The following TUSC3 variants were observed in gnomAD, a reference collection of about 807,000 sequenced individuals.
TUSC3 encodes dolichyl-diphosphooligosaccharide--protein glycosyltransferase subunit TUSC3.
In TUSC3, 45 loss-of-function variants were observed where a neutral mutation model predicts 44.8. That is an observed-to-expected ratio of 1.00 (90% CI 0.79 to 1.29). TUSC3 has a LOEUF of 1.29. Ranked by LOEUF, TUSC3 falls within the 50% of genes most tolerant of loss-of-function variation. TUSC3 has a pLI of 0.00. For synonymous variants in TUSC3, 212 were observed against 152.9 expected, an observed-to-expected ratio of 1.39 and a Z score of -2.85; for missense variants, 519 against 437.9, an observed-to-expected ratio of 1.19 and a Z score of -1.65.
chr8:15,836,306 C>T, the TUSC3 span, among the ~76,000 whole-genome samples: 11 of 149,624 alleles, frequency 7.4e-5, no homozygotes, highest in South Asian at 2.4e-3. Context: ...TGAAACTCTG[C>T]CTCTACTAAA....
chr8:15,795,941 G>A, the TUSC3 span, among the ~76,000 whole-genome samples: 12 of 152,230 alleles, frequency 7.9e-5, no homozygotes, highest in Non-Finnish European at 1.2e-4. Context: ...CAGCCACAGC[G>A]GAACCTAAAT....
the TUSC3 span, among the ~76,000 whole-genome samples, chr8:15,826,296 G>C: frequency 1.3e-5 from 2 of 152,112 alleles, no homozygotes; most frequent in African/African-American, 4.8e-5. Context: ...GATTTGGCCT[G>C]CCACACCTCA....
intron 1 of TUSC3, among the ~76,000 whole-genome samples, chr8:15,465,081 C>G (rs916032300): frequency 6.6e-6 from 1 of 152,128 alleles, no homozygotes; most frequent in African/African-American, 2.4e-5. Flanking sequence ...AACTCCTGAC[C>G]TCGTGATCCA....
chr8:15,786,941 CAAAAAAAAAAA>C, the TUSC3 span, among the ~76,000 whole-genome samples: 6 of 63,378 alleles, frequency 9.5e-5, 1 homozygote, highest in Non-Finnish European at 1.4e-4. Flanking sequence ...GAGACTCCAT[CAAAAAAAAAAA>C]AAAAAAAAAA....
chr8:15,483,725 G>A (rs553698671), intron 2 of TUSC3, among the ~76,000 whole-genome samples: 30 of 138,928 alleles, frequency 2.2e-4, no homozygotes, highest in Admixed American at 4.9e-4. Flanking sequence ...GTGCCATCTC[G>A]GCTCACTGCA....
chr8:15,747,871 A>G (rs779440914), intron 8 of TUSC3, among the ~76,000 whole-genome samples: 14 of 152,086 alleles, frequency 9.2e-5, no homozygotes, highest in Non-Finnish European at 1.5e-4. Flanking sequence ...CTTGCTTTCT[A>G]TAACATGCTC....
At chr8:15,485,743 G>T (rs6530876) in intron 2 of TUSC3, among the ~76,000 whole-genome samples, 3 of 151,942 alleles carry the variant, frequency 2.0e-5, no homozygotes, top group African/African-American at 7.2e-5. Context: ...GTATTTTATT[G>T]TTTATTTATT....
chr8:15,715,917 A>G (rs981804927), intron 6 of TUSC3, among the ~76,000 whole-genome samples: 1 of 152,122 alleles, frequency 6.6e-6, no homozygotes, highest in Non-Finnish European at 1.5e-5. Flanking sequence ...AAATGCAAAG[A>G]TCTTAAATAT....
intron 1 of TUSC3, among the ~76,000 whole-genome samples, chr8:15,430,277 A>C (rs1799855773): frequency 6.8e-6 from 1 of 147,684 alleles, no homozygotes; most frequent in South Asian, 2.2e-4. Context: ...AAGCTTATCC[A>C]CCATGATCAA....
chr8:15,804,563 ATTTATTGAATAGGGAGTAC>A, the TUSC3 span, among the ~76,000 whole-genome samples: 2 of 152,122 alleles, frequency 1.3e-5, no homozygotes, highest in Non-Finnish European at 2.9e-5. Context: ...TTCCAACACC[ATTTATTGAATAGGGAGTAC>A]TTTCCTCACA....
intron 6 of TUSC3, among the ~76,000 whole-genome samples, chr8:15,704,505 A>C (rs887135775): frequency 1.3e-5 from 2 of 152,112 alleles, no homozygotes; most frequent in Non-Finnish European, 2.9e-5. Flanking sequence ...CATTTTAAAA[A>C]TCACTTATTT....
chr8:15,513,797 C>A (rs1486986366), intron 2 of TUSC3, among the ~76,000 whole-genome samples: 1 of 152,186 alleles, frequency 6.6e-6, no homozygotes, highest in Admixed American at 6.5e-5. Flanking sequence ...CTCATAGGAG[C>A]CAACTGCACT....
At chr8:15,675,213 C>T (rs1441674656) in intron 6 of TUSC3, among the ~76,000 whole-genome samples, 10 of 151,886 alleles carry the variant, frequency 6.6e-5, no homozygotes, top group Non-Finnish European at 1.5e-4. Context: ...AAGATCTGAT[C>T]GCTGTCGTGT....
At chr8:15,499,093 CA>C (rs1800922211) in intron 2 of TUSC3, among the ~76,000 whole-genome samples, 1 of 152,024 alleles carries the variant, frequency 6.6e-6, no homozygotes, top group Admixed American at 6.6e-5. Flanking sequence ...CAGACTCCAT[CA>C]CCCACTACTT....
At chr8:15,847,154 G>T in the TUSC3 span, among the ~76,000 whole-genome samples, 1 of 152,186 alleles carries the variant, frequency 6.6e-6, no homozygotes, top group Admixed American at 6.5e-5. Context: ...GTATTGCAGG[G>T]ACTGGAAGCA....
At chr8:15,802,424 A>T in the TUSC3 span, among the ~76,000 whole-genome samples, 1 of 152,032 alleles carries the variant, frequency 6.6e-6, no homozygotes, top group East Asian at 1.9e-4. Flanking sequence ...TAATTGCAAA[A>T]TTTCTTTTCT....
the TUSC3 span, among the ~76,000 whole-genome samples, chr8:15,841,849 G>A: frequency 9.2e-5 from 14 of 152,074 alleles, no homozygotes; most frequent in Admixed American, 9.2e-4. Flanking sequence ...AACTACAAAT[G>A]TACTTCTTTC....
chr8:15,665,110 G>GA (rs796965803), intron 5 of TUSC3, among the ~76,000 whole-genome samples: 9 of 151,240 alleles, frequency 6.0e-5, no homozygotes, highest in Non-Finnish European at 1.3e-4. Flanking sequence ...TGGAAGTAAG[G>GA]AAAAAAATGT....
chr8:15,781,388 C>G, the TUSC3 span, among the ~76,000 whole-genome samples: 1 of 152,070 alleles, frequency 6.6e-6, no homozygotes, highest in Admixed American at 6.6e-5. Context: ...GTAAAACAAA[C>G]ACAGCAGTTT....
Sources: gnomAD v4.1 joint callset for allele counts (sites outside exome capture counted in the v4.1 genomes callset) on GRCh38, gnomAD v4.1.1 for gene constraint, MANE v1.5 for transcripts, NCBI Gene and HGNC (gene_info 2026-07-23, HGNC 2026-07-21) for gene names.